Variants in DENND2A observed in about 807,000 individuals in gnomAD.
The protein encoded by DENND2A is DENN domain containing 2A.
A neutral mutation model predicts 105.3 loss-of-function variants in DENND2A; 53 were observed. That is an observed-to-expected ratio of 0.50 (90% CI 0.40 to 0.63). The LOEUF (loss-of-function observed/expected upper bound fraction) is 0.63. Among genes scored for constraint, DENND2A ranks in the 30% least tolerant of loss-of-function variants. The probability of loss-of-function intolerance (pLI) is 0.00; values close to 1 mark genes in which losing one functional copy is unlikely to be tolerated. For synonymous variants in DENND2A, 522 were observed against 508.4 expected (o/e 1.03, Z -0.36); for missense variants, 1,138 against 1,279.6 (o/e 0.89, Z 1.69).
chr7:140,553,182 G>A (rs886966379), intron 12 of DENND2A, among the ~76,000 whole-genome samples: 2 of 152,156 alleles, frequency 1.3e-5, no homozygotes, highest in South Asian at 2.1e-4. Flanking sequence ...GCGTTTCTCC[G>A]AGAGGGGGAT....
chr7:140,601,300 T>C (rs1024441315), intron 3 of DENND2A, 103 bp downstream of exon 3: 2 of 1,446,238 alleles, frequency 1.4e-6, no homozygotes, highest in Non-Finnish European at 1.8e-6. Flanking sequence ...ATCCATCAGT[T>C]TAATAAAACA....
intron 12 of DENND2A, among the ~76,000 whole-genome samples, chr7:140,553,553 G>T (rs1797229494): frequency 6.6e-6 from 1 of 152,160 alleles, no homozygotes; most frequent in East Asian, 1.9e-4. Context: ...GGACGGTCAG[G>T]TCTTTCCATT....
At chr7:140,583,799 G>A (rs926095152) in intron 5 of DENND2A, among the ~76,000 whole-genome samples, 5 of 149,064 alleles carry the variant, frequency 3.4e-5, no homozygotes, top group Admixed American at 2.0e-4. Flanking sequence ...GGTGGCGGGC[G>A]CCTGTAGTCC....
chr7:140,617,194 T>G (rs1323073847), intron 1 of DENND2A, among the ~76,000 whole-genome samples: 1 of 152,180 alleles, frequency 6.6e-6, no homozygotes, highest in Non-Finnish European at 1.5e-5. Flanking sequence ...ATGCTTCTGT[T>G]TCAGAGCATC....
chr7:140,548,828 G>C (rs1253774337), intron 12 of DENND2A, among the ~76,000 whole-genome samples: 1 of 151,444 alleles, frequency 6.6e-6, no homozygotes, highest in African/African-American at 2.4e-5. Flanking sequence ...GGTTAGGCTG[G>C]TCTCGAACTC....
At chr7:140,591,258 C>T (rs1037196188) in intron 3 of DENND2A, among the ~76,000 whole-genome samples, 1 of 152,196 alleles carries the variant, frequency 6.6e-6, no homozygotes, top group Non-Finnish European at 1.5e-5. Context: ...GATCAAGCCA[C>T]TGCATTCCAG....
intron 1 of DENND2A, among the ~76,000 whole-genome samples, chr7:140,610,989 C>T (rs1210338770): frequency 1.3e-5 from 2 of 152,260 alleles, no homozygotes; most frequent in Non-Finnish European, 2.9e-5. Flanking sequence ...AAGACATCAA[C>T]TAGTGGCCTG....
intron 1 of DENND2A, among the ~76,000 whole-genome samples, chr7:140,639,499 G>A (rs982236910): frequency 6.6e-6 from 1 of 151,758 alleles, no homozygotes. Flanking sequence ...GTTCTGCTCC[G>A]TCCCACGCTG....
intron 5 of DENND2A, among the ~76,000 whole-genome samples, chr7:140,579,475 C>G (rs981820761): frequency 2.6e-5 from 4 of 151,512 alleles, no homozygotes; most frequent in African/African-American, 9.7e-5. Flanking sequence ...TCACTGCAAC[C>G]TCCGCCTCCC....
chr7:140,637,350 G>C lies in DENND2A; in HGVS notation c.-248+3154C>G, dbSNP rs115775845. Among the ~76,000 whole-genome samples the C allele has an allele frequency of 8.6e-3, 1,312 of 152,336 alleles. 17 individuals carry two copies. The highest frequency in any genetic ancestry group is 0.03 in the African/African-American group (1,235 of 41,568). ...TATAGTTGGCAAGAAATAGTTTAAA[G>C]TTTAAAGGGCACATTAGCAATGTAT... On this transcript the variant is annotated intron_variant, in intron 1 of 19. Coordinates refer to ENST00000496613, the MANE Select transcript of DENND2A (RefSeq NM_015689.5).
chr7:140,518,771 G>C, intron 19 of DENND2A, 33 bp from the exon 20 acceptor site: 1 of 1,608,676 alleles, frequency 6.2e-7, no homozygotes, highest in Non-Finnish European at 8.5e-7. Flanking sequence ...CATTTCACAA[G>C]GCAGACAAAG....
chr7:140,537,032 G>A (rs1796478697), intron 14 of DENND2A, among the ~76,000 whole-genome samples: 1 of 152,184 alleles, frequency 6.6e-6, no homozygotes, highest in Non-Finnish European at 1.5e-5. Context: ...CAACCATGCT[G>A]AGGACTAGCT....
In DENND2A at chr7:140,525,733, G is replaced by T; in HGVS notation, c.2547+18C>A. The stretch of plus-strand genomic sequence containing the variant: ...GTAAAGACAAAGGGAGCAGGAGGCC[G>T]TCGCTGGCCTCACTCACCTGTCTGA... On this transcript the variant is annotated intron_variant, in intron 16 of 19. Transcript: ENST00000496613. 6.2e-7 allele frequency: 1 copy of T among 1,601,510 alleles called. No homozygotes were observed. Among genetic ancestry groups the T allele is most frequent in the Non-Finnish European group, 8.5e-7 (1 of 1,173,960 alleles).
intron 12 of DENND2A, 80 bp downstream of exon 12, chr7:140,555,556 G>A: frequency 2.4e-6 from 3 of 1,246,902 alleles, no homozygotes; most frequent in Non-Finnish European, 2.3e-6. Flanking sequence ...AGAAGGCCCA[G>A]GACATGGGGG....
At chr7:140,595,958 C>G (rs1799267710) in intron 3 of DENND2A, among the ~76,000 whole-genome samples, 1 of 152,154 alleles carries the variant, frequency 6.6e-6, no homozygotes, top group Admixed American at 6.5e-5. Context: ...GAAGGGCTTT[C>G]CTACCACCAG....
chr7:140,539,331 C>T (rs1234748429), intron 14 of DENND2A, among the ~76,000 whole-genome samples: 1 of 152,142 alleles, frequency 6.6e-6, no homozygotes, highest in African/African-American at 2.4e-5. Flanking sequence ...TGGGGGTGAC[C>T]TGATCATACC....
chr7:140,620,152 C>G (rs959024392), intron 1 of DENND2A, among the ~76,000 whole-genome samples: 1 of 151,552 alleles, frequency 6.6e-6, no homozygotes, highest in East Asian at 1.9e-4. Context: ...GCCAAGATTG[C>G]GACACTGCAC....
chr7:140,561,001 T>C, intron 9 of DENND2A, among the ~76,000 whole-genome samples: 1 of 152,178 alleles, frequency 6.6e-6, no homozygotes. Flanking sequence ...GAGTTTATTT[T>C]GCTTATGAAC....
Position 140,567,257 on chromosome 7 carries a change from C to G in DENND2A, c.1608G>C (p.Leu536=). Residue 536 remains leucine (L), a synonymous_variant, in exon 9 of 20, where the codon CTG becomes CTC. Transcript: ENST00000496613. ...GCTTCAGCCGGGACTTCACGTTGAC[C>G]AGGCGCTGGCTGTGAGCTGGGTGAG... ...EEKLKAHSQR[L]VNVKSRLKQA... is the part of the protein sequence containing the mutation. 1 of 1,606,384 alleles carries G rather than the reference C, an allele frequency of 6.2e-7. No homozygotes were observed. The highest frequency in any genetic ancestry group is 8.5e-7 in the Non-Finnish European group (1 of 1,177,142).
Sources: gnomAD v4.1 joint callset for allele counts (sites outside exome capture counted in the v4.1 genomes callset) on GRCh38, gnomAD v4.1.1 for gene constraint, MANE v1.5 for transcripts, NCBI Gene and HGNC (gene_info 2026-07-23, HGNC 2026-07-21) for gene names.